The following SAMD5 variants were observed in gnomAD, a reference collection of about 807,000 sequenced individuals.
The protein encoded by SAMD5 is sterile alpha motif domain containing 5, also known as sterile alpha motif domain-containing protein 5.
In SAMD5, 13 loss-of-function variants were observed where a neutral mutation model predicts 11.3. That is an observed-to-expected ratio of 1.15 (90% confidence interval 0.75 to 1.83). The LOEUF is 1.83. Among genes scored for constraint, SAMD5 ranks in the 40% most tolerant of loss-of-function variants. The pLI is 0.00. For synonymous variants in SAMD5, 129 were observed against 111.3 expected (o/e 1.16, Z -1.00); for missense variants, 255 against 239.1 (o/e 1.07, Z -0.44).
chr6:147,784,876 C>T, the SAMD5 span, among the ~76,000 whole-genome samples: 1 of 152,148 alleles, frequency 6.6e-6, no homozygotes, highest in Non-Finnish European at 1.5e-5. Context: ...AATTACAAAC[C>T]TCTTCTAAAA....
intron 1 of SAMD5, among the ~76,000 whole-genome samples, chr6:147,609,107 C>T (rs1227148526): frequency 1.3e-5 from 2 of 152,140 alleles, no homozygotes; most frequent in Admixed American, 6.5e-5. Flanking sequence ...TCCCCCACCC[C>T]TAATTCATAT....
chr6:147,629,030 C>T (rs920073525), intron 1 of SAMD5, among the ~76,000 whole-genome samples: 7 of 152,072 alleles, frequency 4.6e-5, no homozygotes, highest in East Asian at 3.9e-4. Flanking sequence ...GTGGCTCACG[C>T]GTGTAATCCC....
At chr6:147,632,503 G>C (rs1790166431) in intron 1 of SAMD5, among the ~76,000 whole-genome samples, 1 of 152,176 alleles carries the variant, frequency 6.6e-6, no homozygotes, top group South Asian at 2.1e-4. Flanking sequence ...GAAGTTATGA[G>C]AACTGTAGAG....
At chr6:147,830,251 C>CTTTCTTT in the SAMD5 span, among the ~76,000 whole-genome samples, 1 of 84,936 alleles carries the variant, frequency 1.2e-5, no homozygotes, top group African/African-American at 4.7e-5. Context: ...TTCTTTCTTT[C>CTTTCTTT]TTTTTTTTTT....
At chr6:147,640,649 C>T (rs991657421) in intron 1 of SAMD5, among the ~76,000 whole-genome samples, 13 of 151,994 alleles carry the variant, frequency 8.6e-5, no homozygotes, top group Non-Finnish European at 1.3e-4. Flanking sequence ...TTAACTTCAA[C>T]ATTTACCCAA....
At chr6:147,645,303 A>G (rs750004228) in intron 1 of SAMD5, among the ~76,000 whole-genome samples, 4 of 152,158 alleles carry the variant, frequency 2.6e-5, no homozygotes, top group Non-Finnish European at 4.4e-5. Context: ...CCCCTGGGCT[A>G]TGTAAGGTAA....
chr6:147,870,962 G>A, the SAMD5 span, among the ~76,000 whole-genome samples: 2 of 152,146 alleles, frequency 1.3e-5, no homozygotes, highest in African/African-American at 2.4e-5. Context: ...CAGGGACAAC[G>A]TATGGTTTGG....
intron 1 of SAMD5, among the ~76,000 whole-genome samples, chr6:147,678,245 TA>T (rs1790892520): frequency 7.1e-6 from 1 of 140,794 alleles, no homozygotes; most frequent in South Asian, 2.3e-4. Context: ...TTGTCACTAT[TA>T]AAAATAAAAC....
intron 1 of SAMD5, among the ~76,000 whole-genome samples, chr6:147,629,787 A>G (rs1306138572): frequency 6.6e-6 from 1 of 152,148 alleles, no homozygotes; most frequent in Non-Finnish European, 1.5e-5. Context: ...TGTGTCAAGA[A>G]TATCCTGTTG....
the SAMD5 span, among the ~76,000 whole-genome samples, chr6:147,838,074 G>A: frequency 6.6e-6 from 1 of 152,130 alleles, no homozygotes; most frequent in African/African-American, 2.4e-5. Context: ...TTAAGTGTGT[G>A]TATATAGGCA....
chr6:147,777,609 C>T, the SAMD5 span, among the ~76,000 whole-genome samples: 1 of 152,244 alleles, frequency 6.6e-6, no homozygotes, highest in Non-Finnish European at 1.5e-5. Flanking sequence ...GTGTAACAGT[C>T]CCCACTGTCT....
intron 1 of SAMD5, among the ~76,000 whole-genome samples, chr6:147,724,055 A>G (rs2128459466): frequency 6.6e-6 from 1 of 152,338 alleles, no homozygotes; most frequent in Middle Eastern, 3.4e-3. Context: ...ATCACATTGC[A>G]GGGAAATAAT....
chr6:147,566,125 A>T lies in SAMD5; in HGVS notation c.*1669A>T. 3.1e-6 allele frequency: 3 copies of T among 982,542 alleles called. No homozygotes were observed. The highest frequency in any genetic ancestry group is 3.6e-6 in the Non-Finnish European group (3 of 827,314). The allele number at this position is 982,542 out of a possible 1,614,324, so 60.9% of individuals were successfully genotyped here. On this transcript the variant is annotated 3_prime_UTR_variant, in exon 2 of 2. Transcript: ENST00000367474. The stretch of plus-strand genomic sequence containing the variant: ...TGCTTTAAAAATCTGAAGTTTAAAT[A>T]GTTTAGCTATTTCTGTAGGTTAATT...
At chr6:147,854,113 G>A in the SAMD5 span, among the ~76,000 whole-genome samples, 20,818 of 152,164 alleles carry the variant, frequency 0.14, 1,583 homozygotes, top group Middle Eastern at 0.17. Flanking sequence ...GCCTGAGTCT[G>A]GAAGGAGGAC....
At chr6:147,732,502 G>A (rs752190565) in intron 1 of SAMD5, among the ~76,000 whole-genome samples, 13 of 152,074 alleles carry the variant, frequency 8.5e-5, no homozygotes, top group Non-Finnish European at 1.6e-4. Flanking sequence ...GAATTCTTAC[G>A]TAAGTCTATG....
the SAMD5 span, among the ~76,000 whole-genome samples, chr6:147,771,024 T>G: frequency 6.6e-6 from 1 of 152,232 alleles, no homozygotes; most frequent in Non-Finnish European, 1.5e-5. Flanking sequence ...TCTACAACTA[T>G]TTATAAGTAG....
chr6:147,628,080 T>C (rs1447717322), intron 1 of SAMD5, among the ~76,000 whole-genome samples: 1 of 152,222 alleles, frequency 6.6e-6, no homozygotes, highest in Non-Finnish European at 1.5e-5. Context: ...AATATTATAT[T>C]TGTGGTCCAA....
the SAMD5 span, among the ~76,000 whole-genome samples, chr6:147,901,201 G>T: frequency 2.0e-5 from 3 of 152,160 alleles, no homozygotes; most frequent in African/African-American, 7.2e-5. Flanking sequence ...GATACCTAAA[G>T]AATTGGGAAT....
intron 1 of SAMD5, among the ~76,000 whole-genome samples, chr6:147,623,640 AC>A (rs1438599001): frequency 1.7e-4 from 26 of 152,226 alleles, no homozygotes; most frequent in Non-Finnish European, 3.2e-4. Context: ...CTTTCTAAAA[AC>A]AAAGTATATT....
Sources: allele counts gnomAD v4.1 joint callset (sites outside exome capture counted in the v4.1 genomes callset), GRCh38; gene constraint gnomAD v4.1.1; transcripts MANE v1.5; gene names NCBI Gene and HGNC (gene_info 2026-07-23, HGNC 2026-07-21).